The following MSI2 variants were observed in gnomAD, a reference collection of about 807,000 sequenced individuals.
MSI2 encodes the protein musashi RNA binding protein 2, also known as RNA-binding protein Musashi homolog 2.
MSI2 carries 17 observed loss-of-function variants against 45.6 expected under a neutral mutation model. The ratio of observed to expected loss-of-function variants is 0.37; its 90% confidence interval spans 0.26 to 0.56. The LOEUF (loss-of-function observed/expected upper bound fraction) is 0.56, where lower values mean the gene tolerates loss of function less well. MSI2 is among the 20% of genes least tolerant of loss of function. The pLI, the probability that MSI2 is intolerant of heterozygous loss-of-function variation, is 0.77. For synonymous variants in MSI2, 156 were observed against 158.2 expected (o/e 0.99, Z 0.11); for missense variants, 293 against 444.2 (o/e 0.66, Z 3.06).
At chr17:57,467,249 C>T (rs945335795) in intron 6 of MSI2, among the ~76,000 whole-genome samples, 5 of 152,208 alleles carry the variant, frequency 3.3e-5, no homozygotes, top group Non-Finnish European at 1.5e-5. Flanking sequence ...TCCCAGCAGT[C>T]CTGAGGCCAG....
chr17:57,622,547 G>GC (rs1158053532), intron 9 of MSI2, among the ~76,000 whole-genome samples: 1 of 152,136 alleles, frequency 6.6e-6, no homozygotes, highest in African/African-American at 2.4e-5. Flanking sequence ...CTGATGATCA[G>GC]CTAAAGCACG....
rs113002992 is a variant in MSI2 at position 57,649,766 on chromosome 17, G to A, written c.728-2333G>A. On this transcript the variant is annotated intron_variant, in intron 10 of 13. Transcript: ENST00000284073. Reference sequence around the variant, plus strand: ...TGGAACAGGAGGGGGATGGCGAGGAGCAGCAGAAGGGGGCCAGGAGGACGG... The same window carrying A: ...TGGAACAGGAGGGGGATGGCGAGGAACAGCAGAAGGGGGCCAGGAGGACGG... Among the ~76,000 whole-genome samples, 1,002 of 152,330 alleles carry A rather than the reference G, an allele frequency of 6.6e-3. 2 individuals are homozygous for A. Among genetic ancestry groups the A allele is most frequent in the Middle Eastern group, 0.02 (6 of 294 alleles).
downstream of MSI2, among the ~76,000 whole-genome samples, chr17:57,688,500 A>G (rs1598527477): frequency 6.6e-6 from 1 of 152,204 alleles, no homozygotes; most frequent in African/African-American, 2.4e-5. Flanking sequence ...AAGTATCAAT[A>G]TACAGCATAT....
chr17:57,466,556 C>A (rs759967353), intron 6 of MSI2, among the ~76,000 whole-genome samples: 1 of 152,054 alleles, frequency 6.6e-6, no homozygotes, highest in Non-Finnish European at 1.5e-5. Flanking sequence ...CCTCCCCCTG[C>A]CACCCACCCC....
At chr17:57,415,668 CGT>C (rs2084281414) in intron 6 of MSI2, among the ~76,000 whole-genome samples, 1 of 152,008 alleles carries the variant, frequency 6.6e-6, no homozygotes, top group South Asian at 2.1e-4. Context: ...CCCAACATCC[CGT>C]GTTTCTGAAC....
chr17:57,618,336 CGTGCCT>C (rs1907932908), intron 9 of MSI2: 1 of 152,052 alleles, frequency 6.6e-6, no homozygotes, highest in African/African-American at 2.4e-5. Context: ...AGAGTGGGAT[CGTGCCT>C]GTGAGTACCC....
At chr17:57,456,610 A>G (rs2085120299) in intron 6 of MSI2, among the ~76,000 whole-genome samples, 1 of 152,114 alleles carries the variant, frequency 6.6e-6, no homozygotes, top group Admixed American at 6.6e-5. Context: ...AAAAAAAAAA[A>G]AGGAACACCA....
chr17:57,333,441 G>A (rs9909613), intron 5 of MSI2, among the ~76,000 whole-genome samples: 3 of 141,296 alleles, frequency 2.1e-5, no homozygotes, highest in Non-Finnish European at 4.6e-5. Context: ...GATTTGTACC[G>A]TTTTTTTTTT....
At chr17:57,558,046 T>A (rs2087479412) in intron 7 of MSI2, among the ~76,000 whole-genome samples, 1 of 152,176 alleles carries the variant, frequency 6.6e-6, no homozygotes, top group Non-Finnish European at 1.5e-5. Context: ...GCATCTCTCA[T>A]AACAGCCTCC....
intron 11 of MSI2, among the ~76,000 whole-genome samples, chr17:57,653,704 G>C (rs1911357734): frequency 6.6e-6 from 1 of 152,106 alleles, no homozygotes; most frequent in Non-Finnish European, 1.5e-5. Flanking sequence ...CTTGGATTAT[G>C]AAACTAAACT....
chr17:57,558,710 G>A (rs2087499678), intron 7 of MSI2, among the ~76,000 whole-genome samples: 2 of 152,182 alleles, frequency 1.3e-5, no homozygotes, highest in Admixed American at 6.5e-5. Flanking sequence ...GTCTCTTCAT[G>A]GAGTTCCTGA....
rs1347586372 is a variant in MSI2, at chr17:57,552,281, C to T, written c.454+22557C>T. Among the ~76,000 whole-genome samples the T allele has an allele frequency of 6.6e-6, 1 of 152,230 alleles. No individual in the cohort carries two copies. The highest frequency in any genetic ancestry group is 1.5e-5 in the Non-Finnish European group (1 of 68,042). On this transcript the variant is annotated intron_variant, in intron 7 of 13. Coordinates refer to ENST00000284073, the MANE Select transcript of MSI2 (RefSeq NM_138962.4). The surrounding 1 kb of genome is among the most constrained non-coding windows in gnomAD (Gnocchi z 4.3). ...TAATTGAAGTTCAGAGTGATGTTCA[C>T]TGGTCTGTAATTCCTGACTCCCTTC...
At position 57,579,896 on chromosome 17, in the gene MSI2, A is replaced by G. The variant is rs553870960; in HGVS notation, c.455-16972A>G. 2.0e-5 allele frequency among the ~76,000 whole-genome samples: 3 copies of G among 152,286 alleles called. 1 individual carries two copies. Among genetic ancestry groups the G allele is most frequent in the South Asian group, 4.1e-4 (2 of 4,832 alleles). On this transcript the variant is annotated intron_variant, in intron 7 of 13. Transcript: ENST00000284073. The stretch of plus-strand genomic sequence containing the variant: ...AGTTGTGGAACAGAGATTACAACCC[A>G]TGTCTGAACCCAAAGCCCAGGCTCC...
intron 6 of MSI2, among the ~76,000 whole-genome samples, chr17:57,473,043 A>AT (rs35694676): frequency 0.78 from 117,988 of 151,908 alleles, 46,257 homozygotes; most frequent in East Asian, 0.91. Flanking sequence ...CAGGCGCCTG[A>AT]CACCATGTCT....
At chr17:57,453,391 C>G (rs1269858978) in intron 6 of MSI2, among the ~76,000 whole-genome samples, 1 of 152,176 alleles carries the variant, frequency 6.6e-6, no homozygotes, top group Non-Finnish European at 1.5e-5. Context: ...CTGAGGCTTG[C>G]TCTCCCTTCT....
intron 5 of MSI2, among the ~76,000 whole-genome samples, chr17:57,350,659 G>A (rs1045942541): frequency 6.6e-6 from 1 of 152,086 alleles, no homozygotes; most frequent in African/African-American, 2.4e-5. Flanking sequence ...TCCCTGGCCC[G>A]GAAAGTGCTC....
In MSI2 at chr17:57,616,058, C is replaced by T. The variant is rs759162213; in HGVS notation, c.626C>T (p.Ala209Val). 3.1e-6 allele frequency: 5 copies of T among 1,613,820 alleles called. No homozygotes were observed. The highest frequency in any genetic ancestry group is 2.7e-5 in the African/African-American group (2 of 74,902). ...RARGLPYTMD[A>V]FMLGMGMLGY... is the part of the protein sequence containing the mutation. ...CGGGGACTGCCTTACACCATGGACG[C>T]GTTCATGCTTGGCATGGGGATGCTG... The change falls in exon 9 of 14, where the codon GCG becomes GTG. Residue 209 changes from alanine to valine, a missense_variant. Transcript: ENST00000284073.
At chr17:57,410,195 C>T (rs1409952666) in intron 6 of MSI2, among the ~76,000 whole-genome samples, 1 of 151,386 alleles carries the variant, frequency 6.6e-6, no homozygotes, top group Non-Finnish European at 1.5e-5. Flanking sequence ...ATGAATTGGT[C>T]ACCTTCAAGC....
chr17:57,546,010 CA>C (rs1162496877), intron 7 of MSI2, among the ~76,000 whole-genome samples: 1 of 152,170 alleles, frequency 6.6e-6, no homozygotes, highest in African/African-American at 2.4e-5. Flanking sequence ...CAGGGCTCGA[CA>C]GCCGAGGGGC....
Sources: allele counts gnomAD v4.1 joint callset (sites outside exome capture counted in the v4.1 genomes callset), GRCh38; gene constraint gnomAD v4.1.1; non-coding constraint Gnocchi (gnomAD v3.1); transcripts MANE v1.5; gene names NCBI Gene and HGNC (gene_info 2026-07-23, HGNC 2026-07-21).